TMEM38B: variants seen among roughly 807,000 people sequenced by gnomAD.
TMEM38B encodes the protein transmembrane protein 38B.
TMEM38B carries 24 observed loss-of-function variants against 28.7 expected under a neutral mutation model. That is an observed-to-expected ratio of 0.84 (90% CI 0.61 to 1.18). The LOEUF is 1.18. Among genes scored for constraint, TMEM38B ranks in the 50% most tolerant of loss-of-function variants. The pLI, the probability that TMEM38B is intolerant of heterozygous loss-of-function variation, is 0.00. For missense variants in TMEM38B, 380 were observed against 350.9 expected (o/e 1.08, Z -0.66); for synonymous variants, 131 against 127.7 (o/e 1.03, Z -0.17).
chr9:105,717,313 A>G (rs1226327750), intron 2 of TMEM38B, among the ~76,000 whole-genome samples: 1 of 152,264 alleles, frequency 6.6e-6, no homozygotes. Flanking sequence ...GGATATTAAT[A>G]TAATGGCATT....
Position 105,721,619 on chromosome 9 carries a change from A to G in TMEM38B, c.352A>G (p.Lys118Glu). The G allele has an allele frequency of 4.3e-6, 7 of 1,613,718 alleles. No individual in the cohort carries two copies. The highest frequency in any genetic ancestry group is 1.1e-5 in the South Asian group (1 of 91,044). Residue 118 changes from lysine (K) to glutamate (E), a missense_variant, in exon 3 of 6, where the codon AAG (lysine) becomes GAG (glutamate). Physicochemically the swap from Lys to Glu is moderately conservative, Grantham distance 56 (BLOSUM62 1). Coordinates refer to ENST00000374692, the MANE Select transcript of TMEM38B (RefSeq NM_018112.3). ...LPVQLLASGM[K>E]EVTRTWKIVG... ...TGTTCAACTACTGGCTTCGGGAATG[A>G]AGGAAGTGACCAGAACTTGGAAAAT...
chr9:105,697,428 C>T (rs977475642), intron 1 of TMEM38B, among the ~76,000 whole-genome samples: 2 of 152,216 alleles, frequency 1.3e-5, no homozygotes, highest in African/African-American at 4.8e-5. Context: ...GTGTGTTAGA[C>T]TGCCCATTTC....
chr9:105,746,328 T>C (rs1837391569), intron 4 of TMEM38B, among the ~76,000 whole-genome samples: 3 of 152,196 alleles, frequency 2.0e-5, no homozygotes, highest in Admixed American at 2.0e-4. Context: ...TATTTTATTC[T>C]CTTTGAAGCA....
chr9:105,725,382 A>G (rs964602119), intron 4 of TMEM38B, among the ~76,000 whole-genome samples: 1 of 150,074 alleles, frequency 6.7e-6, no homozygotes, highest in Non-Finnish European at 1.5e-5. Flanking sequence ...AGTAGATAAT[A>G]CATACTAGAT....
rs1837923230 is a variant in TMEM38B at position 105,758,697 on chromosome 9, A to G, written c.660+10507A>G. ...ACGAAGACATCCAGAATTGAGAAAA[A>G]ACAACATAGAGAACTTTTCCAAAGA... On this transcript the variant is annotated intron_variant, in intron 5 of 5. Coordinates refer to ENST00000374692, the MANE Select transcript of TMEM38B (RefSeq NM_018112.3). 46 of 747,196 alleles carry G rather than the reference A, an allele frequency of 6.2e-5. 1 individual carries two copies. The South Asian group carries it at 6.9e-4, about 11-fold the overall frequency. 46.3% of individuals were successfully genotyped at this position (747,196 alleles called of 1,614,324 possible).
chr9:105,703,109 G>A (rs765350941), intron 1 of TMEM38B, among the ~76,000 whole-genome samples: 2 of 152,200 alleles, frequency 1.3e-5, no homozygotes, highest in Non-Finnish European at 2.9e-5. Context: ...TAATTCTATT[G>A]ATAGCGTATT....
At chr9:105,695,650 T>G (rs1158979060) in intron 1 of TMEM38B, among the ~76,000 whole-genome samples, 1 of 152,236 alleles carries the variant, frequency 6.6e-6, no homozygotes, top group Non-Finnish European at 1.5e-5. Context: ...AGACATTTCT[T>G]TGCCTACTTT....
Position 105,743,612 on chromosome 9 carries a change from G to A in TMEM38B, c.543-4461G>A, listed in dbSNP as rs183937287. On this transcript the variant is annotated intron_variant, in intron 4 of 5. Coordinates refer to ENST00000374692, the MANE Select transcript of TMEM38B (RefSeq NM_018112.3). ...TTACAATTTAAGCATTAATATATTAGCTAAAAATAATATGCTGTCCTGGAG... is the reference window on the plus strand; with the variant it reads ...TTACAATTTAAGCATTAATATATTAACTAAAAATAATATGCTGTCCTGGAG... Among the ~76,000 whole-genome samples, 4 of 152,192 alleles carry A rather than the reference G, an allele frequency of 2.6e-5. No homozygotes were observed. The East Asian group carries it at 7.7e-4, about 29-fold the overall frequency.
At chr9:105,722,100 T>A (rs1339938112) in intron 3 of TMEM38B, among the ~76,000 whole-genome samples, 3 of 152,188 alleles carry the variant, frequency 2.0e-5, no homozygotes, top group Admixed American at 2.0e-4. Context: ...CATTCAGAAT[T>A]ACTAGAAATA....
chr9:105,772,423 T>C (rs1564422120), intron 5 of TMEM38B, among the ~76,000 whole-genome samples: 1 of 152,184 alleles, frequency 6.6e-6, no homozygotes, highest in Non-Finnish European at 1.5e-5. Flanking sequence ...CCCTGTGCTG[T>C]GAATTTAGGT....
chr9:105,753,673 A>G (rs1187991900), intron 5 of TMEM38B, among the ~76,000 whole-genome samples: 4 of 152,214 alleles, frequency 2.6e-5, no homozygotes, highest in African/African-American at 9.6e-5. Context: ...GAAGCACTAA[A>G]TATGGAAAGG....
intron 4 of TMEM38B, among the ~76,000 whole-genome samples, chr9:105,724,455 T>C (rs72658703): frequency 0.024 from 3,604 of 152,072 alleles, 69 homozygotes; most frequent in Middle Eastern, 0.085. Flanking sequence ...AAACCCCGTC[T>C]CTACTAAAAA....
chr9:105,773,413 T>C (rs755138006), intron 5 of TMEM38B, among the ~76,000 whole-genome samples: 3 of 152,144 alleles, frequency 2.0e-5, no homozygotes, highest in Non-Finnish European at 4.4e-5. Flanking sequence ...TTACCACTTA[T>C]TAGCTTTGTG....
chr9:105,758,553 A>C lies in TMEM38B; in HGVS notation c.660+10363A>C. ...AAGACAACAGACTATCCAACTGTTG[A>C]GGAAATTTCTTAAGAATCATGTAAT... is the stretch of plus-strand genomic sequence containing the variant. On this transcript the variant is annotated intron_variant, in intron 5 of 5. Coordinates refer to ENST00000374692, the MANE Select transcript of TMEM38B (RefSeq NM_018112.3). The C allele has an allele frequency of 4.1e-6, 5 of 1,233,784 alleles. No individual in the cohort carries two copies. In the South Asian group the frequency reaches 6.0e-5, roughly 15 times the overall value. 76.4% of individuals were successfully genotyped at this position (1,233,784 alleles called of 1,614,324 possible). A position where few individuals can be genotyped will look rare whatever the true frequency, so the allele number is the denominator to read the frequency against.
chr9:105,699,428 G>T (rs1323223372), intron 1 of TMEM38B, among the ~76,000 whole-genome samples: 1 of 152,120 alleles, frequency 6.6e-6, no homozygotes, highest in African/African-American at 2.4e-5. Context: ...GTTACTCCTT[G>T]AGACTTTATT....
At chr9:105,757,281 A>G (rs953202627) in intron 5 of TMEM38B, among the ~76,000 whole-genome samples, 4 of 152,194 alleles carry the variant, frequency 2.6e-5, no homozygotes, top group Admixed American at 6.5e-5. Context: ...CATGGTGTAT[A>G]CATACCACAT....
intron 5 of TMEM38B, among the ~76,000 whole-genome samples, chr9:105,762,944 G>A (rs947088817): frequency 2.9e-5 from 4 of 139,294 alleles, no homozygotes; most frequent in Non-Finnish European, 4.5e-5. Flanking sequence ...TTTAATGATT[G>A]CCATTCTAAG....
intron 4 of TMEM38B, 94 bp from the exon 5 acceptor site, chr9:105,747,979 C>G: frequency 2.5e-6 from 2 of 788,070 alleles, no homozygotes; most frequent in South Asian, 3.3e-5. Flanking sequence ...CTATTAATAA[C>G]CCATTAAGTT....
intron 5 of TMEM38B, among the ~76,000 whole-genome samples, chr9:105,761,710 C>T (rs777058360): frequency 6.6e-6 from 1 of 152,106 alleles, no homozygotes; most frequent in Non-Finnish European, 1.5e-5. Context: ...ATTAGACTCA[C>T]CCGAGGAGTT....
Sources: allele counts gnomAD v4.1 joint callset (sites outside exome capture counted in the v4.1 genomes callset), GRCh38; gene constraint gnomAD v4.1.1; transcripts MANE v1.5; gene names NCBI Gene and HGNC (gene_info 2026-07-23, HGNC 2026-07-21).